Variants in FAM117B observed in about 807,000 individuals in gnomAD.
FAM117B encodes protein FAM117B.
FAM117B carries 22 observed loss-of-function variants against 52.8 expected under a neutral mutation model. That is an observed-to-expected ratio of 0.42 (90% CI 0.30 to 0.59). FAM117B has a LOEUF of 0.59. Ranked by LOEUF, FAM117B falls within the 20% of genes least tolerant of loss-of-function variation. The probability of loss-of-function intolerance (pLI) is 0.22; values close to 1 mark genes in which losing one functional copy is unlikely to be tolerated. For missense variants in FAM117B, 678 were observed against 802.6 expected (o/e 0.84, Z 1.88); for synonymous variants, 309 against 324.1 (o/e 0.95, Z 0.50).
chr2:202,678,375 T>C (rs1574552559), intron 1 of FAM117B, among the ~76,000 whole-genome samples: 1 of 152,260 alleles, frequency 6.6e-6, no homozygotes, highest in South Asian at 2.1e-4. Flanking sequence ...GGGGATTGAT[T>C]TGACCAGGCA....
chr2:202,696,370 G>C (rs1349331361), intron 2 of FAM117B, among the ~76,000 whole-genome samples: 1 of 152,078 alleles, frequency 6.6e-6, no homozygotes, highest in Non-Finnish European at 1.5e-5. Flanking sequence ...GGAAGACGAA[G>C]AATTGTATTG....
At chr2:202,755,747 G>C in intron 5 of FAM117B, 66 bp downstream of exon 5, 6 of 1,471,838 alleles carry the variant, frequency 4.1e-6, no homozygotes, top group Non-Finnish European at 5.5e-6. Flanking sequence ...CACAGTTTGG[G>C]TTTCCATATT....
At chr2:202,763,819 A>G (rs1359215546) in intron 7 of FAM117B, among the ~76,000 whole-genome samples, 1 of 152,160 alleles carries the variant, frequency 6.6e-6, no homozygotes, top group Non-Finnish European at 1.5e-5. Context: ...ATCATTGTCT[A>G]CTTGGAACAC....
At chr2:202,712,548 C>G (rs1306248816) in intron 2 of FAM117B, among the ~76,000 whole-genome samples, 1 of 148,360 alleles carries the variant, frequency 6.7e-6, no homozygotes, top group Non-Finnish European at 1.5e-5. Context: ...ATTTCATTCT[C>G]TTGTCCAGTT....
chr2:202,651,649 C>T (rs1265526530), intron 1 of FAM117B, among the ~76,000 whole-genome samples: 1 of 152,052 alleles, frequency 6.6e-6, no homozygotes, highest in Non-Finnish European at 1.5e-5. Context: ...GCTGGGATTA[C>T]AGGCGTGAGC....
intron 2 of FAM117B, among the ~76,000 whole-genome samples, chr2:202,708,528 G>A (rs1690911318): frequency 6.6e-6 from 1 of 152,182 alleles, no homozygotes; most frequent in African/African-American, 2.4e-5. Flanking sequence ...CAGTGAACAT[G>A]TGAGTGCAGA....
chr2:202,747,522 C>T (rs541812741), intron 4 of FAM117B, among the ~76,000 whole-genome samples: 2 of 152,094 alleles, frequency 1.3e-5, no homozygotes, highest in South Asian at 2.1e-4. Flanking sequence ...GAAAAACCTA[C>T]CCATTCCAAT....
At chr2:202,750,995 T>C (rs1157781554) in intron 4 of FAM117B, among the ~76,000 whole-genome samples, 2 of 152,064 alleles carry the variant, frequency 1.3e-5, no homozygotes, top group Non-Finnish European at 2.9e-5. Context: ...AGAAATTAGG[T>C]GTGTAGGTTT....
At chr2:202,653,084 T>G (rs894691734) in intron 1 of FAM117B, among the ~76,000 whole-genome samples, 1 of 151,976 alleles carries the variant, frequency 6.6e-6, no homozygotes, top group Non-Finnish European at 1.5e-5. Context: ...CTAGGCAACA[T>G]AGAGGTACCT....
In FAM117B at chr2:202,766,202, A is replaced by G. The variant is rs951972715; in HGVS notation, c.*438A>G. On this transcript the variant is annotated 3_prime_UTR_variant, in exon 8 of 8. Coordinates refer to ENST00000392238, the MANE Select transcript of FAM117B (RefSeq NM_173511.4). ...AAAATGACTATTTTATAATATACCAATGTTACATTTTCTGAAACGTAGCAA... is the reference window on the plus strand; with the variant it reads ...AAAATGACTATTTTATAATATACCAGTGTTACATTTTCTGAAACGTAGCAA... 7 of 154,294 alleles carry G rather than the reference A, an allele frequency of 4.5e-5. No individual in the cohort carries two copies. The highest frequency in any genetic ancestry group is 8.6e-5 in the Non-Finnish European group (6 of 69,406). 9.6% of individuals were successfully genotyped at this position (154,294 alleles called of 1,614,324 possible). A position where few individuals can be genotyped will look rare whatever the true frequency, so the allele number is the denominator to read the frequency against.
intron 4 of FAM117B, among the ~76,000 whole-genome samples, chr2:202,746,482 C>T (rs1691635668): frequency 7.3e-6 from 1 of 137,766 alleles, no homozygotes; most frequent in South Asian, 2.5e-4. Context: ...AAGTATATAC[C>T]AATAAATGCC....
intron 2 of FAM117B, among the ~76,000 whole-genome samples, chr2:202,703,510 A>G: frequency 6.6e-6 from 1 of 152,062 alleles, no homozygotes; most frequent in East Asian, 1.9e-4. Flanking sequence ...TTGCACCACT[A>G]TGCCCAGCTA....
At chr2:202,716,415 A>G (rs1691057705) in intron 2 of FAM117B, among the ~76,000 whole-genome samples, 1 of 151,746 alleles carries the variant, frequency 6.6e-6, no homozygotes, top group Admixed American at 6.6e-5. Flanking sequence ...TACTCCTGCC[A>G]TTTTGTTATT....
intron 2 of FAM117B, among the ~76,000 whole-genome samples, chr2:202,708,097 A>C (rs766230521): frequency 6.6e-6 from 1 of 152,080 alleles, no homozygotes; most frequent in Non-Finnish European, 1.5e-5. Flanking sequence ...GTCAGAAGAG[A>C]TCTACTCTCA....
chr2:202,724,832 A>G, intron 2 of FAM117B, 85 bp from the exon 3 acceptor site: 1 of 942,498 alleles, frequency 1.1e-6, no homozygotes. Context: ...TTGTAATGGA[A>G]ATATGTTTTA....
At position 202,662,592 on chromosome 2, in the gene FAM117B, C is replaced by A. The variant is rs191151355; in HGVS notation, c.601+26804C>A. ...GTGCAGTGGCTCACGCCTGTAATCC[C>A]AGCACTTTGGGTGGCTGAGGCGGGT... On this transcript the variant is annotated intron_variant, in intron 1 of 7. Transcript: ENST00000392238. Among the ~76,000 whole-genome samples, 26 of 152,266 alleles carry A rather than the reference C, an allele frequency of 1.7e-4. No individual in the cohort carries two copies. The South Asian group carries it at 5.2e-3, about 30-fold the overall frequency.
chr2:202,748,576 A>G (rs1691671210), intron 4 of FAM117B, among the ~76,000 whole-genome samples: 1 of 152,002 alleles, frequency 6.6e-6, no homozygotes, highest in South Asian at 2.1e-4. Flanking sequence ...ATAGCAAAAA[A>G]CAACAACAAC....
intron 4 of FAM117B, among the ~76,000 whole-genome samples, chr2:202,738,960 G>A (rs1691482137): frequency 6.6e-6 from 1 of 152,174 alleles, no homozygotes; most frequent in Non-Finnish European, 1.5e-5. Context: ...AGGCTGAGGT[G>A]GGTGGGACAC....
intron 2 of FAM117B, among the ~76,000 whole-genome samples, chr2:202,699,449 G>GAAAAA (rs59522030): frequency 1.0e-4 from 10 of 100,008 alleles, no homozygotes; most frequent in East Asian, 3.1e-4. Flanking sequence ...AAAAAAAAAA[G>GAAAAA]AAAAAAAAAA....
Sources: allele counts gnomAD v4.1 joint callset (sites outside exome capture counted in the v4.1 genomes callset), GRCh38; gene constraint gnomAD v4.1.1; transcripts MANE v1.5; gene names NCBI Gene and HGNC (gene_info 2026-07-23, HGNC 2026-07-21).